The following EBF2 variants were observed in gnomAD, a reference collection of about 807,000 sequenced individuals.
EBF2 encodes the protein EBF transcription factor 2, also known as transcription factor COE2.
EBF2 carries 21 observed loss-of-function variants against 72.8 expected under a neutral mutation model. The ratio of observed to expected loss-of-function variants is 0.29; its 90% confidence interval spans 0.20 to 0.42. The LOEUF is 0.42. EBF2 is among the 10% of genes least tolerant of loss of function. EBF2 has a pLI of 1.00. For synonymous variants in EBF2, 299 were observed against 274.2 expected, an observed-to-expected ratio of 1.09 and a Z score of -0.89; for missense variants, 637 against 731.2, an observed-to-expected ratio of 0.87 and a Z score of 1.49.
chr8:25,963,830 G>T (rs1563194142), intron 6 of EBF2, among the ~76,000 whole-genome samples: 1 of 152,150 alleles, frequency 6.6e-6, no homozygotes, highest in African/African-American at 2.4e-5. Context: ...AAGCAGGTGT[G>T]AAAAAAATCT....
At chr8:25,866,765 G>A (rs1460267200) in intron 10 of EBF2, among the ~76,000 whole-genome samples, 1 of 149,954 alleles carries the variant, frequency 6.7e-6, no homozygotes, top group Non-Finnish European at 1.5e-5. Context: ...CCTAGTAGCT[G>A]GAATTACAGG....
intron 5 of EBF2, among the ~76,000 whole-genome samples, chr8:26,037,668 T>C (rs1290888747): frequency 1.3e-5 from 2 of 152,204 alleles, no homozygotes; most frequent in Non-Finnish European, 2.9e-5. Context: ...AGACGACTTC[T>C]GTTCAAATTA....
chr8:26,035,559 T>C (rs185777240), intron 5 of EBF2, among the ~76,000 whole-genome samples: 15 of 152,300 alleles, frequency 9.8e-5, no homozygotes, highest in African/African-American at 2.2e-4. Flanking sequence ...ACCTCTTTCA[T>C]GGGTGTGTGG....
chr8:25,892,172 C>A (rs1802793607), intron 7 of EBF2, among the ~76,000 whole-genome samples: 1 of 152,012 alleles, frequency 6.6e-6, no homozygotes, highest in South Asian at 2.1e-4. Flanking sequence ...AAGTTAGGCA[C>A]AGTAAGACAT....
intron 11 of EBF2, among the ~76,000 whole-genome samples, 186 bp downstream of exon 11, chr8:25,862,523 C>A (rs564840137): frequency 1.3e-5 from 2 of 152,116 alleles, no homozygotes; most frequent in East Asian, 1.9e-4. Context: ...TTCATATTTC[C>A]TCAGAGATTA....
intron 6 of EBF2, among the ~76,000 whole-genome samples, chr8:25,927,257 A>T (rs796098759): frequency 1.7e-4 from 26 of 151,912 alleles, no homozygotes; most frequent in African/African-American, 5.3e-4. Flanking sequence ...CAGACTTGCC[A>T]TCTCCCACCC....
At position 25,900,533 on chromosome 8, in the gene EBF2, C is replaced by T. The variant is rs140280170; in HGVS notation, c.633+7941G>A. ...ATATCTCTTGAGGCCAAGGATGACA[C>T]GACCTGCACATATATCTCAGTCTTC... On this transcript the variant is annotated intron_variant, in intron 7 of 15. Coordinates refer to ENST00000520164, the MANE Select transcript of EBF2 (RefSeq NM_022659.4). Among the ~76,000 whole-genome samples, 188 of 152,222 alleles carry T rather than the reference C, an allele frequency of 1.2e-3. 1 individual carries two copies. Among genetic ancestry groups the T allele is most frequent in the Admixed American group, 3.5e-3 (54 of 15,290 alleles).
chr8:25,905,596 T>C (rs1032655972), intron 7 of EBF2, among the ~76,000 whole-genome samples: 5 of 152,172 alleles, frequency 3.3e-5, no homozygotes, highest in African/African-American at 1.2e-4. Context: ...AAGCCACATA[T>C]TGTATGATTC....
intron 13 of EBF2, among the ~76,000 whole-genome samples, chr8:25,858,742 C>T (rs1039974598): frequency 1.4e-5 from 2 of 147,926 alleles, no homozygotes; most frequent in Non-Finnish European, 1.5e-5. Flanking sequence ...TCACTGCAAC[C>T]TCTGCTGCCC....
intron 14 of EBF2, among the ~76,000 whole-genome samples, chr8:25,857,740 G>A (rs1022741098): frequency 2.0e-5 from 3 of 152,190 alleles, no homozygotes; most frequent in Non-Finnish European, 4.4e-5. Context: ...ATTGCACACA[G>A]TCAACTTCCA....
chr8:25,884,222 G>A (rs575118825), intron 10 of EBF2, among the ~76,000 whole-genome samples: 1 of 152,022 alleles, frequency 6.6e-6, no homozygotes, highest in Non-Finnish European at 1.5e-5. Flanking sequence ...CCTCCCACTT[G>A]TAATCTTGCT....
intron 6 of EBF2, among the ~76,000 whole-genome samples, chr8:25,939,656 G>T (rs954102960): frequency 4.6e-5 from 7 of 152,178 alleles, no homozygotes; most frequent in Non-Finnish European, 7.3e-5. Context: ...AACCCCTACA[G>T]CTCCAAGTTC....
At chr8:26,021,992 A>G (rs1407737494) in intron 6 of EBF2, among the ~76,000 whole-genome samples, 1 of 152,246 alleles carries the variant, frequency 6.6e-6, no homozygotes, top group Non-Finnish European at 1.5e-5. Flanking sequence ...GCTCCACACA[A>G]AATCACTGAT....
chr8:25,994,387 C>A (rs148479532), intron 6 of EBF2, among the ~76,000 whole-genome samples: 1 of 152,158 alleles, frequency 6.6e-6, no homozygotes, highest in African/African-American at 2.4e-5. Flanking sequence ...TTATGACTGA[C>A]ACTAATAGAA....
At chr8:25,957,015 A>G (rs968265756) in intron 6 of EBF2, among the ~76,000 whole-genome samples, 2 of 152,246 alleles carry the variant, frequency 1.3e-5, no homozygotes, top group Non-Finnish European at 2.9e-5. Flanking sequence ...GATCGAGAAT[A>G]TCTGGCAAGG....
At position 25,866,145 on chromosome 8, in the gene EBF2, C is replaced by G. The variant is rs533074184; in HGVS notation, c.1010-3348G>C. On this transcript the variant is annotated intron_variant, in intron 10 of 15. Coordinates refer to ENST00000520164, the MANE Select transcript of EBF2 (RefSeq NM_022659.4). ...ATTCATATCATCTACTTACAGTGAT[C>G]ATTTTGTCTCCTTTTGATAGATGCA... is the stretch of plus-strand genomic sequence containing the variant. Among the ~76,000 whole-genome samples the G allele has an allele frequency of 9.2e-5, 14 of 151,878 alleles. No homozygotes were observed. The Middle Eastern group carries it at 0.01, about 111-fold the overall frequency.
rs763808851 is a variant in EBF2 at position 25,843,519 on chromosome 8, C to A, written c.*1090G>T. Reference sequence around the variant, plus strand: ...TGGTGAGGAGGAATTCCCAAGGGGTCCCTTGGTTAAGAAAGTCTGTGGTTT... The same window carrying A: ...TGGTGAGGAGGAATTCCCAAGGGGTACCTTGGTTAAGAAAGTCTGTGGTTT... On this transcript the variant is annotated 3_prime_UTR_variant, in exon 16 of 16. Coordinates refer to ENST00000520164, the MANE Select transcript of EBF2 (RefSeq NM_022659.4). The A allele has an allele frequency of 6.6e-6, 1 of 152,168 alleles. No individual in the cohort carries two copies. Among genetic ancestry groups the A allele is most frequent in the African/African-American group, 2.4e-5 (1 of 41,376 alleles). The allele number at this position is 152,168 out of a possible 1,614,324, so 9.4% of individuals were successfully genotyped here. A position where few individuals can be genotyped will look rare whatever the true frequency, so the allele number is the denominator to read the frequency against.
chr8:26,024,592 A>G (rs894387916), intron 6 of EBF2, among the ~76,000 whole-genome samples: 1 of 152,210 alleles, frequency 6.6e-6, no homozygotes, highest in Non-Finnish European at 1.5e-5. Context: ...TGTAGAATGC[A>G]GGAAGTCACA....
chr8:26,030,662 C>T (rs1336716406), intron 6 of EBF2, among the ~76,000 whole-genome samples: 2 of 152,016 alleles, frequency 1.3e-5, no homozygotes, highest in Non-Finnish European at 2.9e-5. Flanking sequence ...GGACTATTTA[C>T]AGTACCCTTT....
Sources: gnomAD v4.1 joint callset for allele counts (sites outside exome capture counted in the v4.1 genomes callset) on GRCh38, gnomAD v4.1.1 for gene constraint, MANE v1.5 for transcripts, NCBI Gene and HGNC (gene_info 2026-07-23, HGNC 2026-07-21) for gene names.